SPIDR: variants seen among roughly 807,000 people sequenced by gnomAD.
SPIDR encodes the protein scaffold protein involved in DNA repair.
A neutral mutation model predicts 104.6 loss-of-function variants in SPIDR; 93 were observed. The observed-to-expected ratio is 0.89, with a 90% CI of 0.75 to 1.06. The LOEUF (loss-of-function observed/expected upper bound fraction) is 1.06. Among genes scored for constraint, SPIDR ranks in the 50% least tolerant of loss-of-function variants. The pLI, the probability that SPIDR is intolerant of heterozygous loss-of-function variation, is 0.00. For missense variants in SPIDR, 1,154 were observed against 1,111.2 expected (o/e 1.04, Z -0.55); for synonymous variants, 431 against 416.9 (o/e 1.03, Z -0.41).
At chr8:47,684,149 A>C (rs988488834) in intron 11 of SPIDR, among the ~76,000 whole-genome samples, 1 of 151,400 alleles carries the variant, frequency 6.6e-6, no homozygotes, top group Non-Finnish European at 1.5e-5. Flanking sequence ...AAAAAAAAAA[A>C]AACCTGATTA....
chr8:47,367,265 A>G (rs1363623887), intron 5 of SPIDR, among the ~76,000 whole-genome samples: 1 of 152,322 alleles, frequency 6.6e-6, no homozygotes, highest in East Asian at 1.9e-4. Flanking sequence ...TTGATAGCCA[A>G]CAAGGAAACA....
chr8:47,261,103 G>C, intron 1 of SPIDR, 112 bp downstream of exon 1: 23 of 1,148,296 alleles, frequency 2.0e-5, no homozygotes, highest in Non-Finnish European at 2.5e-5. Flanking sequence ...TGGGCGTTGG[G>C]GGTGAAGGGC....
chr8:47,268,599 A>G (rs2034583607), intron 1 of SPIDR, among the ~76,000 whole-genome samples: 1 of 152,128 alleles, frequency 6.6e-6, no homozygotes, highest in African/African-American at 2.4e-5. Context: ...CTACTGGCAC[A>G]TGCTGCTGCA....
At chr8:47,545,611 G>A (rs965292000) in intron 8 of SPIDR, among the ~76,000 whole-genome samples, 1 of 152,032 alleles carries the variant, frequency 6.6e-6, no homozygotes, top group Non-Finnish European at 1.5e-5. Flanking sequence ...TCTCTGATCT[G>A]TATGCCCTTT....
At chr8:47,285,739 G>A (rs2038715752) in intron 3 of SPIDR, among the ~76,000 whole-genome samples, 1 of 152,044 alleles carries the variant, frequency 6.6e-6, no homozygotes, top group African/African-American at 2.4e-5. Context: ...GACCTTATTT[G>A]AATTTGATTA....
rs144957798 is a variant in SPIDR at position 47,431,347 on chromosome 8, T to C, written c.878-8976T>C. 1.7e-4 allele frequency among the ~76,000 whole-genome samples: 26 copies of C among 152,326 alleles called. 1 individual carries two copies. Among genetic ancestry groups the C allele is most frequent in the African/African-American group, 6.0e-4 (25 of 41,570 alleles). Reference sequence around the variant, plus strand: ...AGGTTAGGACTTCAACATAGGAATTTTGAGGGGACACCAACATTCAATCTG... The same window carrying C: ...AGGTTAGGACTTCAACATAGGAATTCTGAGGGGACACCAACATTCAATCTG... On this transcript the variant is annotated intron_variant, in intron 7 of 19. Coordinates refer to ENST00000297423, the MANE Select transcript of SPIDR (RefSeq NM_001080394.4).
At chr8:47,406,402 T>C (rs1237893242) in intron 6 of SPIDR, among the ~76,000 whole-genome samples, 1 of 152,076 alleles carries the variant, frequency 6.6e-6, no homozygotes, top group East Asian at 1.9e-4. Context: ...CTTCACGGTG[T>C]TGTGTAAAGG....
chr8:47,410,582 T>C (rs2063374175), intron 7 of SPIDR, among the ~76,000 whole-genome samples: 1 of 152,084 alleles, frequency 6.6e-6, no homozygotes, highest in Admixed American at 6.5e-5. Flanking sequence ...TAAATAATAA[T>C]CTTTACAACT....
intron 11 of SPIDR, among the ~76,000 whole-genome samples, chr8:47,693,462 A>G (rs547754329): frequency 6.6e-6 from 1 of 152,304 alleles, no homozygotes; most frequent in East Asian, 1.9e-4. Context: ...CTGAAATGCC[A>G]TGTGTCCTTA....
At chr8:47,414,889 TTTTTG>T (rs1382834853) in intron 7 of SPIDR, among the ~76,000 whole-genome samples, 2 of 151,962 alleles carry the variant, frequency 1.3e-5, no homozygotes, top group Non-Finnish European at 2.9e-5. Context: ...ATTCTGCCCG[TTTTTG>T]TTTTGTTTTG....
At chr8:47,271,383 T>A (rs2035294365) in intron 1 of SPIDR, among the ~76,000 whole-genome samples, 2 of 152,202 alleles carry the variant, frequency 1.3e-5, no homozygotes, top group African/African-American at 4.8e-5. Context: ...TCTCTGAGGC[T>A]CTGTTCATTT....
At chr8:47,269,731 T>C (rs2034900365) in intron 1 of SPIDR, among the ~76,000 whole-genome samples, 1 of 152,180 alleles carries the variant, frequency 6.6e-6, no homozygotes, top group Non-Finnish European at 1.5e-5. Context: ...ATCCTTTCTT[T>C]TTCCTTCTTT....
At chr8:47,487,232 C>T (rs2077802553) in intron 8 of SPIDR, among the ~76,000 whole-genome samples, 1 of 152,084 alleles carries the variant, frequency 6.6e-6, no homozygotes, top group African/African-American at 2.4e-5. Flanking sequence ...AGACTTTAAA[C>T]CAACAAAGAT....
intron 5 of SPIDR, chr8:47,360,730 A>T: frequency 4.2e-6 from 2 of 478,982 alleles, no homozygotes; most frequent in Non-Finnish European, 5.4e-6. Flanking sequence ...GTTGGCAGCT[A>T]GTTCAAATGA....
intron 5 of SPIDR, among the ~76,000 whole-genome samples, chr8:47,345,355 G>T (rs1196784802): frequency 2.6e-5 from 4 of 152,274 alleles, no homozygotes; most frequent in East Asian, 3.9e-4. Flanking sequence ...ATGCTGTTTT[G>T]GTTACTGTAG....
At chr8:47,382,035 T>G (rs1156429242) in intron 5 of SPIDR, among the ~76,000 whole-genome samples, 1 of 152,244 alleles carries the variant, frequency 6.6e-6, no homozygotes, top group Non-Finnish European at 1.5e-5. Flanking sequence ...TTTCTATAAA[T>G]TTTAGAATCA....
chr8:47,285,672 T>G (rs1353119553), intron 3 of SPIDR, among the ~76,000 whole-genome samples: 2 of 152,230 alleles, frequency 1.3e-5, no homozygotes, highest in African/African-American at 4.8e-5. Flanking sequence ...TCTGTCTTTG[T>G]GTCCAGATTT....
intron 10 of SPIDR, among the ~76,000 whole-genome samples, chr8:47,615,766 T>G (rs975550507): frequency 6.6e-6 from 1 of 152,186 alleles, no homozygotes; most frequent in African/African-American, 2.4e-5. Flanking sequence ...AAGGATTGCA[T>G]TGAATCACTA....
chr8:47,671,217 C>T (rs1220738339), intron 10 of SPIDR, among the ~76,000 whole-genome samples: 1 of 152,088 alleles, frequency 6.6e-6, no homozygotes, highest in Non-Finnish European at 1.5e-5. Flanking sequence ...GTCTAGAAAT[C>T]ATTTTAGTAA....
Sources: allele counts gnomAD v4.1 joint callset (sites outside exome capture counted in the v4.1 genomes callset), GRCh38; gene constraint gnomAD v4.1.1; transcripts MANE v1.5; gene names NCBI Gene and HGNC (gene_info 2026-07-23, HGNC 2026-07-21).